The following CDK12 variants were observed in gnomAD, a reference collection of about 807,000 sequenced individuals.
CDK12 encodes the protein cyclin dependent kinase 12, also known as cyclin-dependent kinase 12.
A neutral mutation model predicts 133.8 loss-of-function variants in CDK12; 17 were observed. The ratio of observed to expected loss-of-function variants is 0.13; its 90% confidence interval spans 0.09 to 0.19. The LOEUF (loss-of-function observed/expected upper bound fraction) is 0.19. Ranked by LOEUF, CDK12 falls within the 10% of genes least tolerant of loss-of-function variation. CDK12 has a pLI of 1.00. For synonymous variants in CDK12, 694 were observed against 683.6 expected (o/e 1.02, Z -0.24); for missense variants, 1,508 against 1,818.7 (o/e 0.83, Z 3.11).
At chr17:39,542,876 G>T (rs773644063), upstream of CDK12, among the ~76,000 whole-genome samples, 40 of 152,324 alleles carry the variant, frequency 2.6e-4, no homozygotes, top group Admixed American at 7.8e-4. Flanking sequence ...CAAGAGGCTG[G>T]TTCATTGGGA....
intron 5 of CDK12, among the ~76,000 whole-genome samples, chr17:39,499,580 G>C (rs1297265012): frequency 6.6e-6 from 1 of 150,400 alleles, no homozygotes; most frequent in African/African-American, 2.5e-5. Context: ...TGCAGTCTCA[G>C]CTCACTGCGA....
At chr17:39,480,665 C>T (rs1426892731) in intron 2 of CDK12, among the ~76,000 whole-genome samples, 1 of 152,004 alleles carries the variant, frequency 6.6e-6, no homozygotes, top group African/African-American at 2.4e-5. Context: ...TCAAGTGATC[C>T]ACCTGCCTTG....
chr17:39,468,277 C>G (rs2049503987), intron 1 of CDK12, among the ~76,000 whole-genome samples: 1 of 152,136 alleles, frequency 6.6e-6, no homozygotes, highest in Non-Finnish European at 1.5e-5. Flanking sequence ...TCATCGCTGC[C>G]ATTATGCAAG....
In CDK12 at chr17:39,495,736, G is replaced by T. The variant is rs144728990; in HGVS notation, c.2419+1042G>T. Among the ~76,000 whole-genome samples the T allele has an allele frequency of 8.2e-3, 1,235 of 150,478 alleles. 9 individuals carry two copies. Among genetic ancestry groups the T allele is most frequent in the South Asian group, 0.016 (78 of 4,760 alleles). ...TGTGAACCTGGGAGGCGGAGCTTGC[G>T]GTGAGCCAAGATCGTGCCACTGCAC... On this transcript the variant is annotated intron_variant, in intron 5 of 13. Coordinates refer to ENST00000447079, the MANE Select transcript of CDK12 (RefSeq NM_016507.4).
chr17:39,475,641 G>A (rs1476181018), intron 2 of CDK12, among the ~76,000 whole-genome samples: 1 of 150,630 alleles, frequency 6.6e-6, no homozygotes, highest in Non-Finnish European at 1.5e-5. Context: ...CATCTCCCAG[G>A]TTCAGGCGAT....
chr17:39,524,013 T>C (rs902919931), intron 11 of CDK12, among the ~76,000 whole-genome samples: 4 of 152,220 alleles, frequency 2.6e-5, no homozygotes, highest in African/African-American at 9.6e-5. Context: ...ATAAGGGTTT[T>C]ACTGAAATTT....
chr17:39,479,695 C>T (rs1461703132), intron 2 of CDK12, among the ~76,000 whole-genome samples: 5 of 151,390 alleles, frequency 3.3e-5, no homozygotes, highest in East Asian at 1.9e-4. Flanking sequence ...GGCATGATCT[C>T]GGCTCACTGT....
rs2054964679 is a variant in CDK12 at position 39,533,159 on chromosome 17, A to G, written c.*1843A>G. The G allele has an allele frequency of 4.3e-6, 1 of 232,286 alleles. No individual in the cohort carries two copies. Among genetic ancestry groups the G allele is most frequent in the South Asian group, 1.8e-4 (1 of 5,524 alleles). 14.4% of individuals were successfully genotyped at this position (232,286 alleles called of 1,614,324 possible). ...CTGTTTTCCCCTGTTAATGAGATAT[A>G]GCTAGATATCGGTGTGTGTATTTCT... On this transcript the variant is annotated 3_prime_UTR_variant, in exon 14 of 14. Coordinates refer to ENST00000447079, the MANE Select transcript of CDK12 (RefSeq NM_016507.4).
chr17:39,541,294 A>G (rs555703835), intron 1 of CDK12, among the ~76,000 whole-genome samples: 2 of 152,082 alleles, frequency 1.3e-5, no homozygotes, highest in South Asian at 4.2e-4. Context: ...TGCTTTATCA[A>G]AATTCAGGGT....
rs1214634083 is a variant in CDK12, at chr17:39,533,360, T to G, written c.*2044T>G. 4.3e-6 allele frequency: 1 copy of G among 233,088 alleles called. No individual in the cohort carries two copies. Among genetic ancestry groups the G allele is most frequent in the Non-Finnish European group, 8.5e-6 (1 of 117,944 alleles). 14.4% of individuals were successfully genotyped at this position (233,088 alleles called of 1,614,324 possible). A position where few individuals can be genotyped will look rare whatever the true frequency, so the allele number is the denominator to read the frequency against. ...CGCATTAAAGTTCATCTGAACCTTC[T>G]GTCTGTTGACTTCTTAGTCCTCAGA... is the stretch of plus-strand genomic sequence containing the variant. On this transcript the variant is annotated 3_prime_UTR_variant, in exon 14 of 14. Coordinates refer to ENST00000447079, the MANE Select transcript of CDK12 (RefSeq NM_016507.4).
intron 2 of CDK12, among the ~76,000 whole-genome samples, chr17:39,489,045 C>T (rs953953600): frequency 2.0e-5 from 3 of 150,496 alleles, no homozygotes; most frequent in East Asian, 2.0e-4. Flanking sequence ...CTCAGCCTCT[C>T]GAGTAGCTGG....
chr17:39,479,258 C>T (rs1162176368), intron 2 of CDK12, among the ~76,000 whole-genome samples: 1 of 141,078 alleles, frequency 7.1e-6, no homozygotes, highest in East Asian at 2.3e-4. Context: ...CAGTGAGCCG[C>T]GATCATGCCA....
In CDK12 at chr17:39,462,331, T is replaced by G; in HGVS notation, c.260T>G (p.Met87Arg). 1 of 1,614,180 alleles carries G rather than the reference T, an allele frequency of 6.2e-7. No homozygotes were observed. The highest frequency in any genetic ancestry group is 8.5e-7 in the Non-Finnish European group (1 of 1,180,034). Residue 87 changes from methionine to arginine, a missense_variant, in exon 1 of 14, where the codon ATG (methionine) becomes AGG (arginine). By Grantham distance (91) the Met-to-Arg change is moderately conservative. Around this residue, in one of 9 missense-constraint regions of CDK12, gnomAD observed 460 missense variants for 490.8 expected, o/e 0.94. Transcript: ENST00000447079. ...GATTCCGACACCTTCTCCGATGACA[T>G]GGCCTTCAAACTAGACCGAAGGGAG... Reference protein sequence around the residue: ...SSDSDTFSDDMAFKLDRREND... With the variant: ...SSDSDTFSDDRAFKLDRREND...
Position 39,532,148 on chromosome 17 carries a change from C to T in CDK12, c.*832C>T, listed in dbSNP as rs867509174. 1.7e-5 allele frequency: 4 copies of T among 229,988 alleles called. No homozygotes were observed. The highest frequency in any genetic ancestry group is 1.2e-4 in the East Asian group (2 of 16,662). The allele number at this position is 229,988 out of a possible 1,614,324, so 14.2% of individuals were successfully genotyped here. On this transcript the variant is annotated 3_prime_UTR_variant, in exon 14 of 14. Coordinates refer to ENST00000447079, the MANE Select transcript of CDK12 (RefSeq NM_016507.4). The stretch of plus-strand genomic sequence containing the variant: ...TCTCTCTCTCTCTCTCTCTCTGTCT[C>T]GCTTGCTCGCTCTCGCTGTTTCTCT...
intron 3 of CDK12, among the ~76,000 whole-genome samples, chr17:39,561,737 C>G (rs1486778147): frequency 6.6e-6 from 1 of 152,126 alleles, no homozygotes; most frequent in Non-Finnish European, 1.5e-5. Flanking sequence ...TGGCCTATTC[C>G]AGCAGCTGTG....
rs900412874 is a variant in CDK12, at chr17:39,530,909, C to T, written c.4066C>T (p.Arg1356Ter). 1.2e-6 allele frequency: 2 copies of T among 1,614,042 alleles called. No individual in the cohort carries two copies. Among genetic ancestry groups the T allele is most frequent in the African/African-American group, 1.3e-5 (1 of 74,916 alleles). The change falls in exon 14 of 14, where the codon CGA becomes TGA. Residue 1356 changes from arginine to a stop codon, truncating the protein, a stop_gained. Transcript: ENST00000447079. LOFTEE classifies it high-confidence loss of function. ...GTTCAGTGCCATTGACACTGATGAA[C>T]GAAACTCTGGTCCAGCCTTGACAGA... ...TGFSAIDTDE[R>*]NSGPALTESL...
At chr17:39,463,658 T>G (rs995154075) in intron 1 of CDK12, among the ~76,000 whole-genome samples, 2 of 152,068 alleles carry the variant, frequency 1.3e-5, no homozygotes, top group Non-Finnish European at 2.9e-5. Context: ...TAACTGATGT[T>G]TTAGTGGAAA....
downstream of CDK12, among the ~76,000 whole-genome samples, chr17:39,536,543 A>G (rs1014234779): frequency 1.1e-4 from 17 of 152,112 alleles, no homozygotes; most frequent in African/African-American, 3.6e-4. Flanking sequence ...TCACCTTTTT[A>G]TCCTCTTCTT....
chr17:39,554,296 A>T (rs1405406600), intron 2 of CDK12, among the ~76,000 whole-genome samples: 1 of 152,212 alleles, frequency 6.6e-6, no homozygotes, highest in Non-Finnish European at 1.5e-5. Flanking sequence ...CTGGAAACAG[A>T]CACCTGGGAC....
Sources: gnomAD v4.1 joint callset for allele counts (sites outside exome capture counted in the v4.1 genomes callset) on GRCh38, gnomAD v4.1.1 for gene constraint, gnomAD v4.1.1 regional missense constraint, MANE v1.5 for transcripts, NCBI Gene and HGNC (gene_info 2026-07-23, HGNC 2026-07-21) for gene names.